Variants in KLF3 observed in about 807,000 individuals in gnomAD.
KLF3 encodes Krueppel-like factor 3.
KLF3 carries 6 observed loss-of-function variants against 32.7 expected under a neutral mutation model. The observed-to-expected ratio is 0.18, with a 90% CI of 0.10 to 0.36. The LOEUF (loss-of-function observed/expected upper bound fraction) is 0.36, where lower values mean the gene tolerates loss of function less well. KLF3 is among the 10% of genes least tolerant of loss of function. KLF3 has a pLI of 1.00. For missense variants in KLF3, 338 were observed against 449.7 expected (o/e 0.75, Z 2.25); for synonymous variants, 145 against 172.8 (o/e 0.84, Z 1.26).
At position 38,697,904 on chromosome 4, in the gene KLF3, C is replaced by T. The variant is rs1223156254; in HGVS notation, c.*641C>T. 2.0e-5 allele frequency: 3 copies of T among 152,218 alleles called. No individual in the cohort carries two copies. The highest frequency in any genetic ancestry group is 4.8e-5 in the African/African-American group (2 of 41,432). The allele number at this position is 152,218 out of a possible 1,614,324, so 9.4% of individuals were successfully genotyped here. On this transcript the variant is annotated 3_prime_UTR_variant, in exon 6 of 6. Transcript: ENST00000261438. ...GCCACCAATGGGAGATGAGCCCAAA[C>T]TTTCGATCTAGGTGGGTGATGTGTA... is the stretch of plus-strand genomic sequence containing the variant.
rs1722296662 is a variant in KLF3, at chr4:38,674,877, A to G, written c.-39-5710A>G. 1.3e-5 allele frequency among the ~76,000 whole-genome samples: 2 copies of G among 152,148 alleles called. No homozygotes were observed. Among genetic ancestry groups the G allele is most frequent in the South Asian group, 4.1e-4 (2 of 4,830 alleles). On this transcript the variant is annotated intron_variant, in intron 1 of 5. Transcript: ENST00000261438. This position sits in a 1 kb window ranked among gnomAD's most constrained non-coding sequence, Gnocchi z 4.1. ...TTGTCTGTAAGGTCGTTTCTGTAATAAATCATGCTCTAGCCTCCAGGCAAG... is the reference window on the plus strand; with the variant it reads ...TTGTCTGTAAGGTCGTTTCTGTAATGAATCATGCTCTAGCCTCCAGGCAAG...
At chr4:38,665,510 T>C (rs976584705) in intron 1 of KLF3, among the ~76,000 whole-genome samples, 1 of 152,236 alleles carries the variant, frequency 6.6e-6, no homozygotes, top group Admixed American at 6.5e-5. Context: ...ATGAGACTTA[T>C]TTTTAATAAG....
rs993105135 is a variant in KLF3 at position 38,697,731 on chromosome 4, C to T, written c.*468C>T. 7.8e-5 allele frequency: 12 copies of T among 153,074 alleles called. No individual in the cohort carries two copies. The highest frequency in any genetic ancestry group is 2.9e-4 in the African/African-American group (12 of 41,462). 9.5% of individuals were successfully genotyped at this position (153,074 alleles called of 1,614,324 possible). On this transcript the variant is annotated 3_prime_UTR_variant, in exon 6 of 6. Coordinates refer to ENST00000261438, the MANE Select transcript of KLF3 (RefSeq NM_016531.6). The stretch of plus-strand genomic sequence containing the variant: ...GTGAAAACAAGTGTGGCCCCTTGCA[C>T]CGGTTAGCTAGAAGTACAGCCAGAT...
chr4:38,680,579 T>C lies in KLF3; in HGVS notation c.-39-8T>C. The C allele has an allele frequency of 7.0e-7, 1 of 1,433,442 alleles. No homozygotes were observed. 88.8% of individuals were successfully genotyped at this position (1,433,442 alleles called of 1,614,324 possible). On this transcript the variant is annotated splice_region_variant and splice_polypyrimidine_tract_variant and intron_variant, in intron 1 of 5. Coordinates refer to ENST00000261438, the MANE Select transcript of KLF3 (RefSeq NM_016531.6). ...AGACTTAGATGGATACCTTGTTTTGTTTTCTAGGCCAAACACCAGAGCACC... is the reference window on the plus strand; with the variant it reads ...AGACTTAGATGGATACCTTGTTTTGCTTTCTAGGCCAAACACCAGAGCACC...
rs753622182 is a variant in KLF3 at position 38,671,383 on chromosome 4, C to T, written c.-40+6922C>T. Among the ~76,000 whole-genome samples, 8 of 152,164 alleles carry T rather than the reference C, an allele frequency of 5.3e-5. No homozygotes were observed. The highest frequency in any genetic ancestry group is 5.2e-4 in the Admixed American group (8 of 15,284). On this transcript the variant is annotated intron_variant, in intron 1 of 5. Transcript: ENST00000261438. This position sits in a 1 kb window ranked among gnomAD's most constrained non-coding sequence, Gnocchi z 4.4. ...TGCACTGGCTAGGAAGAATAATTGC[C>T]TAATTTGGGGCCTTCAGAATGTGTC...
intron 2 of KLF3, among the ~76,000 whole-genome samples, chr4:38,687,816 T>G (rs1208414678): frequency 6.6e-6 from 1 of 152,190 alleles, no homozygotes; most frequent in Non-Finnish European, 1.5e-5. Flanking sequence ...GGGACATCAT[T>G]GCCGCAGTGA....
chr4:38,689,830 T>TGGGGCC lies in KLF3; in HGVS notation c.646_647insGGGGCC (p.Ser216delinsTrpGlyPro). On this transcript the variant is annotated protein_altering_variant, in exon 4 of 6. Transcript: ENST00000261438. The stretch of plus-strand genomic sequence containing the variant: ...GACAGATTATTATCCTGAAGAAATG[T>TGGGGCC]CACCCCCCTTAATGAACTCAGTGTC... 1 of 1,607,242 alleles carries TGGGGCC rather than the reference T, an allele frequency of 6.2e-7. No individual in the cohort carries two copies. The highest frequency in any genetic ancestry group is 8.5e-7 in the Non-Finnish European group (1 of 1,174,466).
In KLF3 at chr4:38,671,207, G is replaced by A. The variant is rs537085746; in HGVS notation, c.-40+6746G>A. On this transcript the variant is annotated intron_variant, in intron 1 of 5. Transcript: ENST00000261438. This position sits in a 1 kb window ranked among gnomAD's most constrained non-coding sequence, Gnocchi z 4.4. ...TCCAACCAGCTCTGTGAAATTGGGC[G>A]AGTCATTTCACCTCTGTTCCTCCAT... Among the ~76,000 whole-genome samples the A allele has an allele frequency of 2.5e-4, 38 of 152,338 alleles. No homozygotes were observed. The South Asian group carries it at 6.0e-3, about 24-fold the overall frequency.
Position 38,691,256 on chromosome 4 carries a change from C to T in KLF3, c.695+1377C>T, listed in dbSNP as rs559420887. Among the ~76,000 whole-genome samples, 11 of 152,330 alleles carry T rather than the reference C, an allele frequency of 7.2e-5. No homozygotes were observed. In the South Asian group the frequency reaches 1.9e-3, roughly 26 times the overall value. On this transcript the variant is annotated intron_variant, in intron 4 of 5. Coordinates refer to ENST00000261438, the MANE Select transcript of KLF3 (RefSeq NM_016531.6). ...GGCCTTGGGCTTGATCTCCTGCTTC[C>T]GAATCAGGGCTTTTCCTGCCATCTT...
chr4:38,689,490 A>G (rs1006611040), intron 3 of KLF3, among the ~76,000 whole-genome samples: 17 of 152,244 alleles, frequency 1.1e-4, no homozygotes, highest in African/African-American at 1.9e-4. Flanking sequence ...ATCCAGAATT[A>G]TAAGAACGAA....
chr4:38,681,277 T>A (rs1722517928), intron 2 of KLF3, among the ~76,000 whole-genome samples: 1 of 152,226 alleles, frequency 6.6e-6, no homozygotes, highest in Non-Finnish European at 1.5e-5. Context: ...GAAGTAAGTT[T>A]ACAAAAATTC....
chr4:38,672,648 C>T (rs1034371273), intron 1 of KLF3, among the ~76,000 whole-genome samples: 13 of 151,896 alleles, frequency 8.6e-5, no homozygotes, highest in Non-Finnish European at 1.6e-4. Context: ...TCGTGGGTAA[C>T]GGGGTGCCAA....
intron 2 of KLF3, among the ~76,000 whole-genome samples, chr4:38,687,345 A>C (rs1429224263): frequency 6.6e-6 from 1 of 152,244 alleles, no homozygotes; most frequent in African/African-American, 2.4e-5. Context: ...ATTAGGTTGC[A>C]TTCTACAAAG....
chr4:38,696,983 T>C, intron 5 of KLF3, 99 bp from the exon 6 acceptor site: 1 of 1,001,058 alleles, frequency 1.0e-6, no homozygotes. Context: ...AACAAATGTA[T>C]GAACATATCT....
At chr4:38,691,126 T>G (rs1171522103) in intron 4 of KLF3, among the ~76,000 whole-genome samples, 1 of 152,228 alleles carries the variant, frequency 6.6e-6, no homozygotes, top group Non-Finnish European at 1.5e-5. Flanking sequence ...TCAAAGGAAT[T>G]ATTTTATTCC....
At chr4:38,679,908 C>G (rs763505421) in intron 1 of KLF3, among the ~76,000 whole-genome samples, 2 of 152,028 alleles carry the variant, frequency 1.3e-5, no homozygotes, top group African/African-American at 4.8e-5. Context: ...CGACCAACAT[C>G]GGGGAAAAGG....
Position 38,674,687 on chromosome 4 carries a change from G to A in KLF3, c.-39-5900G>A, listed in dbSNP as rs1410491523. Among the ~76,000 whole-genome samples the A allele has an allele frequency of 1.3e-5, 2 of 152,028 alleles. No individual in the cohort carries two copies. The highest frequency in any genetic ancestry group is 2.9e-5 in the Non-Finnish European group (2 of 68,002). On this transcript the variant is annotated intron_variant, in intron 1 of 5. Transcript: ENST00000261438. This position sits in a 1 kb window ranked among gnomAD's most constrained non-coding sequence, Gnocchi z 4.1. ...GGAAGATAATGCAGGCACCCTTTGAGGATCTGTGGGAAGAAATGAGGGCAT... is the reference window on the plus strand; with the variant it reads ...GGAAGATAATGCAGGCACCCTTTGAAGATCTGTGGGAAGAAATGAGGGCAT...
chr4:38,679,540 A>T (rs553549883), intron 1 of KLF3, among the ~76,000 whole-genome samples: 1 of 152,358 alleles, frequency 6.6e-6, no homozygotes, highest in East Asian at 1.9e-4. Context: ...CAGAAAACTT[A>T]TCCTAAAAAT....
chr4:38,687,095 C>T (rs1722726823), intron 2 of KLF3, among the ~76,000 whole-genome samples: 3 of 152,172 alleles, frequency 2.0e-5, no homozygotes, highest in African/African-American at 7.2e-5. Context: ...TGTTTAATTA[C>T]AAGGCACCAT....
Sources: gnomAD v4.1 joint callset for allele counts (sites outside exome capture counted in the v4.1 genomes callset) on GRCh38, gnomAD v4.1.1 for gene constraint, Gnocchi (gnomAD v3.1) non-coding constraint, MANE v1.5 for transcripts, NCBI Gene and HGNC (gene_info 2026-07-23, HGNC 2026-07-21) for gene names.